The following ATP10D variants were observed in gnomAD, a reference collection of about 807,000 sequenced individuals.
ATP10D encodes ATPase phospholipid transporting 10D (putative), also known as phospholipid-transporting ATPase VD.
ATP10D carries 89 observed loss-of-function variants against 144.8 expected under a neutral mutation model. The ratio of observed to expected loss-of-function variants is 0.61; its 90% CI spans 0.52 to 0.73. The LOEUF is 0.73. ATP10D is among the 30% of genes least tolerant of loss of function. The pLI, the probability that ATP10D is intolerant of heterozygous loss-of-function variation, is 0.00. For missense variants in ATP10D, 1,603 were observed against 1,714.8 expected, an observed-to-expected ratio of 0.93 and a Z score of 1.15; for synonymous variants, 571 against 615.1, an observed-to-expected ratio of 0.93 and a Z score of 1.06.
chr4:47,563,968 C>G (rs935375725), intron 15 of ATP10D, among the ~76,000 whole-genome samples: 2 of 152,168 alleles, frequency 1.3e-5, no homozygotes, highest in Non-Finnish European at 2.9e-5. Flanking sequence ...TATCTTGGCT[C>G]ACTGCAACCT....
intron 1 of ATP10D, among the ~76,000 whole-genome samples, chr4:47,505,778 C>T (rs1715986835): frequency 6.6e-6 from 1 of 151,608 alleles, no homozygotes; most frequent in African/African-American, 2.4e-5. Flanking sequence ...AAAAAAGAAA[C>T]CTAGGGGGTG....
chr4:47,583,878 A>G (rs1720654840), intron 21 of ATP10D, among the ~76,000 whole-genome samples: 1 of 152,232 alleles, frequency 6.6e-6, no homozygotes, highest in African/African-American at 2.4e-5. Flanking sequence ...ACTAATGGTC[A>G]GGCTTGTCAG....
At chr4:47,502,925 G>A (rs1329363165) in intron 1 of ATP10D, among the ~76,000 whole-genome samples, 3 of 152,150 alleles carry the variant, frequency 2.0e-5, no homozygotes, top group African/African-American at 7.2e-5. Flanking sequence ...ATGTCACTCA[G>A]GTGCAGTGGC....
chr4:47,591,142 A>C lies in ATP10D; in HGVS notation c.4042A>C (p.Lys1348Gln), dbSNP rs1721022011. The change falls in exon 23 of 23, where the codon AAG becomes CAG. Residue 1348 changes from lysine to glutamine, a missense_variant. By Grantham distance (53) the Lys-to-Gln change is moderately conservative. Transcript: ENST00000273859. ...TCCAGAGGAGAGGACTAAAGCTCTC[A>C]AGAAGTGGAGAGGGGCTGGAAAGAT... ...LTPEERTKALKKWRGAGKMNQ... is the reference protein window; with the variant it reads ...LTPEERTKALQKWRGAGKMNQ... 1 of 1,613,444 alleles carries C rather than the reference A, an allele frequency of 6.2e-7. No homozygotes were observed. The highest frequency in any genetic ancestry group is 1.7e-5 in the Admixed American group (1 of 59,890).
At chr4:47,539,657 T>C (rs1718032907) in intron 9 of ATP10D, among the ~76,000 whole-genome samples, 1 of 152,242 alleles carries the variant, frequency 6.6e-6, no homozygotes, top group African/African-American at 2.4e-5. Context: ...TTAATAATGC[T>C]ACGCTAAACC....
At chr4:47,493,252 T>C (rs1715178605) in intron 1 of ATP10D, among the ~76,000 whole-genome samples, 1 of 152,212 alleles carries the variant, frequency 6.6e-6, no homozygotes, top group Admixed American at 6.5e-5. Context: ...ATAAAAATCA[T>C]ATTTAATGGT....
intron 13 of ATP10D, among the ~76,000 whole-genome samples, chr4:47,559,400 G>T (rs1428752311): frequency 6.6e-6 from 1 of 151,980 alleles, no homozygotes; most frequent in Admixed American, 6.6e-5. Context: ...AAAGAATGAG[G>T]GCACAGATGA....
intron 3 of ATP10D, among the ~76,000 whole-genome samples, chr4:47,516,272 C>A (rs1040266142): frequency 2.7e-5 from 4 of 150,810 alleles, no homozygotes; most frequent in Non-Finnish European, 5.9e-5. Context: ...GGAGAATATT[C>A]TTTTTTGGTG....
intron 1 of ATP10D, among the ~76,000 whole-genome samples, chr4:47,491,891 G>A (rs114504100): frequency 2.0e-5 from 3 of 151,998 alleles, no homozygotes; most frequent in Non-Finnish European, 2.9e-5. Context: ...TATACTGCAT[G>A]ATTATCCTAA....
Position 47,508,888 on chromosome 4 carries a change from T to C in ATP10D, c.-37-3616T>C, listed in dbSNP as rs142467425. On this transcript the variant is annotated intron_variant, in intron 1 of 22. Coordinates refer to ENST00000273859, the MANE Select transcript of ATP10D (RefSeq NM_020453.4). Reference sequence around the variant, plus strand: ...TAGGACTAATGGTTTGTGACCACTGTGTTAAATCATCTCTGAAGTCTAAGC... The same window carrying C: ...TAGGACTAATGGTTTGTGACCACTGCGTTAAATCATCTCTGAAGTCTAAGC... Among the ~76,000 whole-genome samples the C allele has an allele frequency of 2.6e-3, 398 of 152,364 alleles. 1 individual carries two copies. The highest frequency in any genetic ancestry group is 4.3e-3 in the Non-Finnish European group (295 of 68,036).
At chr4:47,555,815 G>A (rs577083064) in intron 11 of ATP10D, among the ~76,000 whole-genome samples, 10 of 151,378 alleles carry the variant, frequency 6.6e-5, no homozygotes, top group South Asian at 4.2e-4. Context: ...GCGCAGTGGC[G>A]TGATCTCAGC....
chr4:47,547,059 A>G (rs1000961453), intron 10 of ATP10D, 197 bp downstream of exon 10: 1 of 599,644 alleles, frequency 1.7e-6, no homozygotes, highest in Admixed American at 3.0e-5. Flanking sequence ...TTAAAAAATA[A>G]CTCAATGTTG....
intron 5 of ATP10D, among the ~76,000 whole-genome samples, chr4:47,528,275 G>A (rs1031711969): frequency 6.6e-6 from 1 of 151,764 alleles, no homozygotes; most frequent in African/African-American, 2.4e-5. Flanking sequence ...AGTCCCCAGT[G>A]TCTATTATTT....
At chr4:47,535,369 TA>T in intron 5 of ATP10D, 139 bp from the exon 6 acceptor site, 1 of 591,444 alleles carries the variant, frequency 1.7e-6, no homozygotes, top group Non-Finnish European at 2.8e-6. Context: ...ATAACCAAAG[TA>T]AATGGGCCAG....
intron 9 of ATP10D, among the ~76,000 whole-genome samples, chr4:47,542,844 A>G (rs1335716148): frequency 1.3e-5 from 2 of 152,088 alleles, no homozygotes; most frequent in Non-Finnish European, 2.9e-5. Flanking sequence ...TCTTGATTCC[A>G]CTTTTGCAAT....
In ATP10D at chr4:47,536,799, G is replaced by T. The variant is rs200358319; in HGVS notation, c.1257G>T (p.Gln419His). 313 of 1,613,178 alleles carry T rather than the reference G, an allele frequency of 1.9e-4. 1 individual carries two copies. The highest frequency in any genetic ancestry group is 2.2e-4 in the Non-Finnish European group (261 of 1,179,600). ...ATGAAAAAATGGATTCTATTGTTCA[G>T]TGCCGAGCCCTGAACATCGCCGAGG... Reference protein sequence around the residue: ...FYNEKMDSIVQCRALNIAEDL... With the variant: ...FYNEKMDSIVHCRALNIAEDL... Residue 419 changes from glutamine to histidine, a missense_variant, in exon 9 of 23, where the codon CAG (glutamine) becomes CAT (histidine). Physicochemically the swap from Gln to His is conservative, Grantham distance 24. Coordinates refer to ENST00000273859, the MANE Select transcript of ATP10D (RefSeq NM_020453.4).
chr4:47,557,720 T>G lies in ATP10D; in HGVS notation c.1881T>G (p.Ser627Arg). Residue 627 changes from serine (S) to arginine (R), a missense_variant, in exon 12 of 23, where the codon AGT becomes AGG. Coordinates refer to ENST00000273859, the MANE Select transcript of ATP10D (RefSeq NM_020453.4). ...LPIKSLEEIK[S>R]LFQRWSVRRS... ...TTAAGTCTTTGGAAGAGATTAAAAG[T>G]CTTTTCCAGAGATGGTCTGTCCGAA... The G allele has an allele frequency of 6.2e-7, 1 of 1,614,126 alleles. No individual in the cohort carries two copies. Among genetic ancestry groups the G allele is most frequent in the Non-Finnish European group, 8.5e-7 (1 of 1,179,986 alleles).
chr4:47,530,074 A>T (rs1163849230), intron 5 of ATP10D, among the ~76,000 whole-genome samples: 1 of 152,198 alleles, frequency 6.6e-6, no homozygotes, highest in Non-Finnish European at 1.5e-5. Flanking sequence ...TAGGTATAAG[A>T]ACATGTCATC....
At chr4:47,540,354 C>G (rs1261073708) in intron 9 of ATP10D, among the ~76,000 whole-genome samples, 1 of 152,166 alleles carries the variant, frequency 6.6e-6, no homozygotes, top group Admixed American at 6.5e-5. Flanking sequence ...AACCTTCTAG[C>G]TTCGAAATGT....
Sources: gnomAD v4.1 joint callset for allele counts (sites outside exome capture counted in the v4.1 genomes callset) on GRCh38, gnomAD v4.1.1 for gene constraint, MANE v1.5 for transcripts, NCBI Gene and HGNC (gene_info 2026-07-23, HGNC 2026-07-21) for gene names.